DMD: variants seen among roughly 807,000 people sequenced by gnomAD.
DMD encodes mutant dystrophin.
In DMD, 63 loss-of-function variants were observed where a neutral mutation model predicts 330.1. That is an observed-to-expected ratio of 0.19 (90% CI 0.16 to 0.24). The LOEUF (loss-of-function observed/expected upper bound fraction) is 0.24, where lower values mean the gene tolerates loss of function less well. DMD is among the 10% of genes least tolerant of loss of function. The probability of loss-of-function intolerance (pLI) is 1.00; values close to 1 mark genes in which losing one functional copy is unlikely to be tolerated. For missense variants in DMD, 3,344 were observed against 2,684.1 expected, an observed-to-expected ratio of 1.25 and a Z score of -5.43; for synonymous variants, 1,223 against 959.8, an observed-to-expected ratio of 1.27 and a Z score of -5.07.
Position 32,365,125 on chromosome X carries a change from T to C in DMD, c.4920A>G (p.Thr1640=). 8.3e-7 allele frequency: 1 copy of C among 1,210,993 alleles called. No homozygotes were observed. The change falls in exon 35 of 79, where the codon ACA becomes ACG. Residue 1640 remains threonine (T), a synonymous_variant. Transcript: ENST00000357033. Reference sequence around the variant, plus strand: ...CCAACGTCTCCTTCTTGCCCAAAACTGTTTTCAAGGCCTCTCCTACCTCTG... The same window carrying C: ...CCAACGTCTCCTTCTTGCCCAAAACCGTTTTCAAGGCCTCTCCTACCTCTG... ...SITEVGEALK[T]VLGKKETLVE... is the part of the protein sequence containing the mutation.
At chrX:32,981,810 T>C (rs1167733827) in intron 2 of DMD, among the ~76,000 whole-genome samples, 3 of 110,655 alleles carry the variant, frequency 2.7e-5, no homozygotes, top group Non-Finnish European at 5.7e-5. Context: ...TGGGGGTATG[T>C]CAAAAGAGAA....
intron 2 of DMD, among the ~76,000 whole-genome samples, chrX:32,956,685 C>A (rs67439014): frequency 9.1e-6 from 1 of 110,402 alleles, no homozygotes; most frequent in Non-Finnish European, 1.9e-5. Flanking sequence ...TAGTTGGAGG[C>A]GCTTTATTTC....
chrX:31,677,533 G>A (rs1469682417), intron 53 of DMD, among the ~76,000 whole-genome samples: 3 of 112,156 alleles, frequency 2.7e-5, no homozygotes, highest in Admixed American at 9.5e-5. Flanking sequence ...ACTACCTCAC[G>A]AATATGACTA....
rs780611635 is a variant in DMD at position 32,263,871 on chromosome X, A to G, written c.6290+23658T>C. ...TATCCCTCAGCCATTGATTTTAAAA[A>G]ATATTTTATATATTTGACACCCAAA... is the stretch of plus-strand genomic sequence containing the variant. On this transcript the variant is annotated intron_variant, in intron 43 of 78. Transcript: ENST00000357033. Among the ~76,000 whole-genome samples the G allele has an allele frequency of 2.2e-3, 251 of 112,147 alleles. 3 individuals carry two copies. Among genetic ancestry groups the G allele is most frequent in the African/African-American group, 7.8e-3 (242 of 30,843 alleles).
chrX:33,233,299 C>A (rs958661896), intron 1 of DMD, among the ~76,000 whole-genome samples: 1 of 111,559 alleles, frequency 9.0e-6, no homozygotes, highest in African/African-American at 3.3e-5. Context: ...GGGCATTTAT[C>A]CCAGAGAAAT....
At chrX:32,683,051 GTTTAGATGGCACTTAATAAACA>G (rs760636336) in intron 9 of DMD, among the ~76,000 whole-genome samples, 50 of 111,652 alleles carry the variant, frequency 4.5e-4, no homozygotes, top group African/African-American at 1.4e-3. Context: ...AGAATGACTG[GTTTAGATGGCACTTAATAAACA>G]TTAAGTGACT....
At chrX:33,254,300 AT>A (rs1476155756) in intron 1 of DMD, among the ~76,000 whole-genome samples, 1 of 100,459 alleles carries the variant, frequency 1.0e-5, no homozygotes, top group African/African-American at 4.8e-5. Context: ...GAGATTTTAA[AT>A]ATTTGCTCTC....
At chrX:32,216,597 A>C (rs910062224) in intron 44 of DMD, among the ~76,000 whole-genome samples, 4 of 111,612 alleles carry the variant, frequency 3.6e-5, no homozygotes, top group Admixed American at 2.9e-4. Flanking sequence ...TCCAACATAA[A>C]GCCGAAATAC....
chrX:33,033,743 C>T (rs970832026), intron 1 of DMD, among the ~76,000 whole-genome samples: 5 of 110,362 alleles, frequency 4.5e-5, no homozygotes, highest in Non-Finnish European at 7.6e-5. Context: ...TCATACTAGC[C>T]TTATTGTTTG....
intron 17 of DMD, among the ~76,000 whole-genome samples, chrX:32,537,987 T>G (rs1375749553): frequency 8.9e-6 from 1 of 112,522 alleles, no homozygotes; most frequent in Non-Finnish European, 1.9e-5. Context: ...GAGCATCTAC[T>G]ACACAGAAGA....
At chrX:32,083,798 C>T (rs2096411438) in intron 44 of DMD, among the ~76,000 whole-genome samples, 2 of 112,667 alleles carry the variant, frequency 1.8e-5, no homozygotes, top group Admixed American at 9.4e-5. Context: ...TCTGCCTGCT[C>T]TTCTGTTCTA....
At position 32,290,612 on chromosome X, in the gene DMD, A is replaced by C. The variant is rs529352661; in HGVS notation, c.6118-2911T>G. On this transcript the variant is annotated intron_variant, in intron 42 of 78. Transcript: ENST00000357033. ...ATTTGCTAAAAACTACATTCTGGCT[A>C]TTCTTCCTAGTACGAATTTTGTTAT... Among the ~76,000 whole-genome samples the C allele has an allele frequency of 2.7e-5, 3 of 112,371 alleles. No individual in the cohort carries two copies. In the South Asian group the frequency reaches 1.1e-3, roughly 41 times the overall value.
At chrX:31,952,715 A>G (rs1181745930) in intron 45 of DMD, among the ~76,000 whole-genome samples, 1 of 112,010 alleles carries the variant, frequency 8.9e-6, no homozygotes, top group Non-Finnish European at 1.9e-5. Context: ...TTCAGAGACA[A>G]CTTTTGTTGA....
At chrX:31,617,293 G>C (rs1428580526) in intron 55 of DMD, among the ~76,000 whole-genome samples, 4 of 111,331 alleles carry the variant, frequency 3.6e-5, no homozygotes, top group African/African-American at 1.3e-4. Flanking sequence ...TCAGCGTTTT[G>C]GGAGGCCGGG....
At chrX:32,923,643 G>T (rs1390986970) in intron 2 of DMD, among the ~76,000 whole-genome samples, 2 of 111,422 alleles carry the variant, frequency 1.8e-5, no homozygotes, top group Non-Finnish European at 3.8e-5. Flanking sequence ...TGTCCTACAT[G>T]GATGATTTTA....
At chrX:31,158,472 G>A (rs1180188794) in intron 74 of DMD, among the ~76,000 whole-genome samples, 1 of 111,552 alleles carries the variant, frequency 9.0e-6, no homozygotes, top group African/African-American at 3.3e-5. Context: ...GGAGAAACGA[G>A]GAGTGACTTG....
At chrX:32,209,581 T>C (rs1286212497) in intron 44 of DMD, among the ~76,000 whole-genome samples, 2 of 111,940 alleles carry the variant, frequency 1.8e-5, no homozygotes, top group East Asian at 5.6e-4. Context: ...CAATTTCTGC[T>C]TCTCATTGCT....
intron 53 of DMD, among the ~76,000 whole-genome samples, chrX:31,664,969 A>G (rs1432454146): frequency 9.0e-6 from 1 of 111,348 alleles, no homozygotes; most frequent in Non-Finnish European, 1.9e-5. Flanking sequence ...CTACCTACAT[A>G]TTCACTTTCA....
At chrX:32,227,239 GTCTA>G (rs1362619031) in intron 43 of DMD, among the ~76,000 whole-genome samples, 1 of 84,437 alleles carries the variant, frequency 1.2e-5, no homozygotes, top group Non-Finnish European at 2.2e-5. Flanking sequence ...TCCATTGTGT[GTCTA>G]TCCTAGCTTC....
Sources: gnomAD v4.1 joint callset for allele counts (sites outside exome capture counted in the v4.1 genomes callset) on GRCh38, gnomAD v4.1.1 for gene constraint, MANE v1.5 for transcripts, NCBI Gene and HGNC (gene_info 2026-07-23, HGNC 2026-07-21) for gene names.